Variants in P4HA1 observed in about 807,000 individuals in gnomAD.
The protein encoded by P4HA1 is prolyl 4-hydroxylase subunit alpha 1.
In P4HA1, 24 loss-of-function variants were observed where a neutral mutation model predicts 72.8. That is an observed-to-expected ratio of 0.33 (90% CI 0.24 to 0.46). The LOEUF is 0.46. Among genes scored for constraint, P4HA1 ranks in the 20% least tolerant of loss-of-function variants. The pLI, the probability that P4HA1 is intolerant of heterozygous loss-of-function variation, is 1.00. For missense variants in P4HA1, 446 were observed against 640.6 expected (o/e 0.70, Z 3.28); for synonymous variants, 201 against 218.8 (o/e 0.92, Z 0.72).
chr10:73,020,356 C>A (rs1840106199), intron 10 of P4HA1, among the ~76,000 whole-genome samples: 4 of 151,898 alleles, frequency 2.6e-5, no homozygotes, highest in Admixed American at 2.6e-4. Flanking sequence ...CAGAAAAAAA[C>A]TGAAACCCTG....
chr10:73,013,522 A>T (rs6480655), intron 12 of P4HA1, among the ~76,000 whole-genome samples: 7,686 of 152,276 alleles, frequency 0.05, 661 homozygotes, highest in African/African-American at 0.17. Context: ...TGGAGCAGGA[A>T]CCATGAGTTG....
At chr10:73,032,988 T>C (rs924908573) in intron 9 of P4HA1, among the ~76,000 whole-genome samples, 6 of 152,178 alleles carry the variant, frequency 3.9e-5, no homozygotes, top group Admixed American at 6.5e-5. Flanking sequence ...AATTCCTCAG[T>C]GTAGCAAAAA....
chr10:73,020,155 C>T (rs1197910473), intron 10 of P4HA1, among the ~76,000 whole-genome samples: 1 of 151,834 alleles, frequency 6.6e-6, no homozygotes, highest in African/African-American at 2.4e-5. Context: ...AGCAAGATAG[C>T]TAGATTAACA....
chr10:73,037,560 TATATA>T (rs1840620092), intron 9 of P4HA1, among the ~76,000 whole-genome samples: 25 of 36,466 alleles, frequency 6.9e-4, no homozygotes, highest in African/African-American at 2.5e-3. Flanking sequence ...TATATATATA[TATATA>T]TATATATTTT....
chr10:73,037,886 ATATAT>A (rs1840636392), intron 9 of P4HA1, among the ~76,000 whole-genome samples: 1 of 152,028 alleles, frequency 6.6e-6, no homozygotes, highest in African/African-American at 2.4e-5. Context: ...ATTTGTTTAT[ATATAT>A]TATACTTTAA....
chr10:73,020,249 G>C (rs568769725), intron 10 of P4HA1, among the ~76,000 whole-genome samples: 1 of 152,110 alleles, frequency 6.6e-6, no homozygotes, highest in South Asian at 2.1e-4. Flanking sequence ...AAAGTCCTCA[G>C]AGATTATTAT....
In P4HA1 at chr10:73,068,922, C is replaced by T. The variant is rs773744674; in HGVS notation, c.387G>A (p.Gly129=). 2 of 1,612,156 alleles carry T rather than the reference C, an allele frequency of 1.2e-6. No individual in the cohort carries two copies. Among genetic ancestry groups the T allele is most frequent in the Non-Finnish European group, 1.7e-6 (2 of 1,178,476 alleles). Residue 129 remains glycine, a synonymous_variant, in exon 5 of 15, where the codon GGG becomes GGA. Coordinates refer to ENST00000394890, the MANE Select transcript of P4HA1 (RefSeq NM_001017962.3). ...QYFPNDEDQV[G]AAKALLRLQD... is the part of the protein sequence containing the mutation. ...GGAGACGTAACAGAGCTTTGGCTGC[C>T]CCAACCTGATCTTCATCATTAGGAA... is the stretch of plus-strand genomic sequence containing the variant.
At chr10:73,072,889 G>C (rs1200124676) in intron 3 of P4HA1, among the ~76,000 whole-genome samples, 3 of 152,146 alleles carry the variant, frequency 2.0e-5, no homozygotes, top group South Asian at 2.1e-4. Context: ...TATCAGTCAG[G>C]CTGGGTGCGG....
chr10:73,016,876 T>C lies in P4HA1; in HGVS notation c.1272A>G (p.Gly424=), dbSNP rs201446669. 6.3e-5 allele frequency: 102 copies of C among 1,611,952 alleles called. No individual in the cohort carries two copies. Among genetic ancestry groups the C allele is most frequent in the Admixed American group, 2.2e-4 (13 of 59,964 alleles). ...CAAAGTCAAAATGGGGTTCATACTG[T>C]CCTCCAACTCCATAATTTGCTACCT... ...ELQVANYGVG[G]QYEPHFDFAR... The change falls in exon 11 of 15, where the codon GGA becomes GGG. Residue 424 remains glycine (G), a synonymous_variant. Coordinates refer to ENST00000394890, the MANE Select transcript of P4HA1 (RefSeq NM_001017962.3).
At chr10:73,043,646 T>TATCA (rs374768438) in intron 9 of P4HA1, among the ~76,000 whole-genome samples, 69 of 152,344 alleles carry the variant, frequency 4.5e-4, no homozygotes, top group African/African-American at 1.6e-3. Flanking sequence ...ACATTTCACT[T>TATCA]ATCAAAGTTT....
intron 9 of P4HA1, chr10:73,043,811 T>TG: frequency 9.3e-7 from 1 of 1,080,916 alleles, no homozygotes; most frequent in Non-Finnish European, 1.4e-6. Context: ...AACTATATCA[T>TG]GAGTTTTCAG....
At chr10:73,048,391 G>A (rs1471582524) in intron 7 of P4HA1, among the ~76,000 whole-genome samples, 1 of 152,126 alleles carries the variant, frequency 6.6e-6, no homozygotes, top group Non-Finnish European at 1.5e-5. Context: ...AGCCTCCCAA[G>A]TAGCTGAGAT....
rs1316887674 is a variant in P4HA1 at position 73,059,423 on chromosome 10, TTAAAAAAAAAAA to T, written c.464-5845_464-5834del. Among the ~76,000 whole-genome samples, 76 of 47,584 alleles carry T rather than the reference TTAAAAAAAAAAA, an allele frequency of 1.6e-3. 3 individuals carry two copies. Among genetic ancestry groups the T allele is most frequent in the African/African-American group, 6.5e-3 (72 of 11,104 alleles). 31.2% of individuals were successfully genotyped at this position (47,584 alleles called of 152,430 possible). On this transcript the variant is annotated intron_variant, in intron 5 of 14. Transcript: ENST00000394890. The stretch of plus-strand genomic sequence containing the variant: ...CGGGCAAAATAATGAGACAATATAT[TTAAAAAAAAAAA>T]AAAAAAAAAAAAAAAAAAAAAAAAA...
chr10:73,044,841 C>T, intron 9 of P4HA1, 140 bp downstream of exon 9: 2 of 524,700 alleles, frequency 3.8e-6, no homozygotes, highest in Non-Finnish European at 3.3e-6. Flanking sequence ...GCAGTTTATC[C>T]ATGCGTTATC....
rs949924519 is a variant in P4HA1, at chr10:73,031,342, G to A, written c.1149-972C>T. ...CTACAAAACATTTAAAAAATTAGCTGGGCATGGTGGCATGCACCTGTAATT... is the reference window on the plus strand; with the variant it reads ...CTACAAAACATTTAAAAAATTAGCTAGGCATGGTGGCATGCACCTGTAATT... On this transcript the variant is annotated intron_variant, in intron 9 of 14. Coordinates refer to ENST00000394890, the MANE Select transcript of P4HA1 (RefSeq NM_001017962.3). Among the ~76,000 whole-genome samples the A allele has an allele frequency of 7.9e-5, 12 of 152,220 alleles. No homozygotes were observed. In the East Asian group the frequency reaches 2.3e-3, roughly 29 times the overall value.
chr10:73,069,806 G>GTTTTTTTTTTTTTTT (rs201651550), intron 4 of P4HA1, among the ~76,000 whole-genome samples: 1 of 147,420 alleles, frequency 6.8e-6, no homozygotes, highest in African/African-American at 2.6e-5. Context: ...ATAATCAACT[G>GTTTTTTTTTTTTTTT]TTTTGTTTTT....
chr10:73,046,453 A>T (rs1451779271), intron 8 of P4HA1, among the ~76,000 whole-genome samples: 7 of 152,182 alleles, frequency 4.6e-5, no homozygotes, highest in Non-Finnish European at 8.8e-5. Context: ...TAAAGTCAGA[A>T]AACTATCACC....
intron 5 of P4HA1, 65 bp from the exon 6 acceptor site, chr10:73,053,655 C>T (rs1458814749): frequency 1.4e-6 from 2 of 1,398,920 alleles, no homozygotes; most frequent in South Asian, 1.2e-5. Context: ...TTTAGGACTA[C>T]ACAGCTTTCA....
At chr10:73,044,878 AG>A in intron 9 of P4HA1, 102 bp downstream of exon 9, 1 of 847,596 alleles carries the variant, frequency 1.2e-6, no homozygotes, top group Non-Finnish European at 1.9e-6. Context: ...TGGTGACTTG[AG>A]CTGGTGACTG....
Sources: gnomAD v4.1 joint callset for allele counts (sites outside exome capture counted in the v4.1 genomes callset) on GRCh38, gnomAD v4.1.1 for gene constraint, MANE v1.5 for transcripts, NCBI Gene and HGNC (gene_info 2026-07-23, HGNC 2026-07-21) for gene names.